The following SCYL2 variants were observed in gnomAD, a reference collection of about 807,000 sequenced individuals.
SCYL2 encodes the protein SCY1-like protein 2.
Under a neutral mutation model 100.4 loss-of-function variants are expected in SCYL2, and 36 were observed. The observed-to-expected ratio is 0.36, with a 90% CI of 0.27 to 0.47. SCYL2 has a LOEUF of 0.47. Ranked by LOEUF, SCYL2 falls within the 20% of genes least tolerant of loss-of-function variation. The pLI is 1.00. For synonymous variants in SCYL2, 330 were observed against 359.2 expected, an observed-to-expected ratio of 0.92 and a Z score of 0.92; for missense variants, 902 against 1,083.9, an observed-to-expected ratio of 0.83 and a Z score of 2.36.
At chr12:100,281,480 TA>T (rs2096298309) in intron 1 of SCYL2, among the ~76,000 whole-genome samples, 1 of 152,128 alleles carries the variant, frequency 6.6e-6, no homozygotes, top group South Asian at 2.1e-4. Flanking sequence ...CACTTGAGGC[TA>T]GGAGTTTGAG....
rs200722272 is a variant in SCYL2 at position 100,335,874 on chromosome 12, A to G, written c.1993A>G (p.Lys665Glu). 6.2e-7 allele frequency: 1 copy of G among 1,613,252 alleles called. No individual in the cohort carries two copies. The highest frequency in any genetic ancestry group is 8.5e-7 in the Non-Finnish European group (1 of 1,179,306). ...TCTGACTGGCAGTGAGTCCGAAAAT[A>G]AAGAGGACGGGTTACAGAATAAACA... ...DLLTGSESENKEDGLQNKHKR... is the reference protein window; with the variant it reads ...DLLTGSESENEEDGLQNKHKR... The change falls in exon 16 of 18, where the codon AAA becomes GAA. Residue 665 changes from lysine to glutamate, a missense_variant. Coordinates refer to ENST00000360820, the MANE Select transcript of SCYL2 (RefSeq NM_017988.6).
chr12:100,329,220 T>C lies in SCYL2; in HGVS notation c.1662T>C (p.Phe554=). 1 of 1,586,832 alleles carries C rather than the reference T, an allele frequency of 6.3e-7. No homozygotes were observed. The highest frequency in any genetic ancestry group is 8.7e-7 in the Non-Finnish European group (1 of 1,155,434). Residue 554 remains phenylalanine (F), a synonymous_variant, in exon 13 of 18, where the codon TTT becomes TTC. Coordinates refer to ENST00000360820, the MANE Select transcript of SCYL2 (RefSeq NM_017988.6). ...MGILGIYKCT[F]THKKLGITKE... ...TATCAGGTATTTACAAATGTACTTT[T>C]ACTCATAAGAAGTTGGGAATCACCA...
chr12:100,337,255 C>T, intron 16 of SCYL2, 132 bp from the exon 17 acceptor site: 1 of 1,087,952 alleles, frequency 9.2e-7, no homozygotes, highest in Non-Finnish European at 1.3e-6. Context: ...CTTACTGTGA[C>T]AATCACCAAG....
rs542398374 is a variant in SCYL2 at position 100,314,593 on chromosome 12, G to A, written c.1074G>A (p.Lys358=). ...CACAGTTTTTCAAAGGACTGCCAAAGGTTCTACCAAAACTGCCCAAGGTTT... is the reference window on the plus strand; with the variant it reads ...CACAGTTTTTCAAAGGACTGCCAAAAGTTCTACCAAAACTGCCCAAGGTTT... ...QKSQFFKGLP[K]VLPKLPKRVI... is the part of the protein sequence containing the mutation. The change falls in exon 8 of 18, where the codon AAG becomes AAA. Residue 358 remains lysine (K), a synonymous_variant. Coordinates refer to ENST00000360820, the MANE Select transcript of SCYL2 (RefSeq NM_017988.6). 2.5e-6 allele frequency: 4 copies of A among 1,597,778 alleles called. No homozygotes were observed. In the Admixed American group the frequency reaches 7.2e-5, roughly 29 times the overall value.
chr12:100,286,883 T>A (rs1364861284), intron 2 of SCYL2, among the ~76,000 whole-genome samples: 1 of 152,140 alleles, frequency 6.6e-6, no homozygotes, highest in Non-Finnish European at 1.5e-5. Flanking sequence ...CAAAAGATGA[T>A]CATAGACTAG....
Position 100,303,251 on chromosome 12 carries a change from A to G in SCYL2, c.480+5076A>G, listed in dbSNP as rs147478328. ...TACCTTCTGAAGCCTACTTCTGTCA[A>G]TTCGTCAAACTTATTCTCTGTCCAG... On this transcript the variant is annotated intron_variant, in intron 4 of 17. Transcript: ENST00000360820. Among the ~76,000 whole-genome samples, 189 of 152,160 alleles carry G rather than the reference A, an allele frequency of 1.2e-3. 1 individual carries two copies. The highest frequency in any genetic ancestry group is 4.1e-3 in the African/African-American group (169 of 41,542).
intron 2 of SCYL2, among the ~76,000 whole-genome samples, chr12:100,285,884 A>T (rs1038573598): frequency 6.6e-6 from 1 of 152,116 alleles, no homozygotes; most frequent in African/African-American, 2.4e-5. Context: ...TGACTTTACT[A>T]ATTTTTAAGT....
At chr12:100,338,495 T>C (rs771511068) in intron 17 of SCYL2, 33 bp from the exon 18 acceptor site, 1 of 1,459,692 alleles carries the variant, frequency 6.9e-7, no homozygotes, top group Non-Finnish European at 9.3e-7. Context: ...TTTATATTTC[T>C]TAGAGATAAA....
At chr12:100,271,370 C>T (rs963848893) in intron 1 of SCYL2, among the ~76,000 whole-genome samples, 1 of 151,704 alleles carries the variant, frequency 6.6e-6, no homozygotes, top group South Asian at 2.1e-4. Context: ...CGTATTTTCC[C>T]CCAGATTTTG....
chr12:100,337,248 A>T, intron 16 of SCYL2, 139 bp from the exon 17 acceptor site: 1 of 998,182 alleles, frequency 1.0e-6, no homozygotes, highest in Non-Finnish European at 1.5e-6. Flanking sequence ...AATACAGCTT[A>T]CTGTGACAAT....
chr12:100,318,417 G>A (rs758018161), intron 10 of SCYL2, among the ~76,000 whole-genome samples: 7 of 143,160 alleles, frequency 4.9e-5, no homozygotes, highest in Non-Finnish European at 9.0e-5. Context: ...TGCAACCTCC[G>A]CCTCCTGGGT....
intron 2 of SCYL2, among the ~76,000 whole-genome samples, chr12:100,287,225 T>C (rs2096305345): frequency 6.6e-6 from 1 of 152,258 alleles, no homozygotes; most frequent in Non-Finnish European, 1.5e-5. Flanking sequence ...AGTATCTTGT[T>C]ATCAACAGAG....
chr12:100,294,833 T>G (rs372532490), intron 3 of SCYL2, among the ~76,000 whole-genome samples: 7 of 137,460 alleles, frequency 5.1e-5, no homozygotes, highest in Non-Finnish European at 7.9e-5. Context: ...GGGTGGCTGC[T>G]GGGCGGAGAC....
At chr12:100,294,785 C>T (rs1381921762) in intron 3 of SCYL2, among the ~76,000 whole-genome samples, 24 of 143,978 alleles carry the variant, frequency 1.7e-4, no homozygotes, top group Admixed American at 1.1e-3. Context: ...GGCGGCTGGC[C>T]GGGCGGGGGG....
chr12:100,299,870 A>G (rs2135872567), intron 4 of SCYL2, among the ~76,000 whole-genome samples: 1 of 152,312 alleles, frequency 6.6e-6, no homozygotes, highest in Middle Eastern at 3.4e-3. Context: ...TCTCCTGATC[A>G]AGTACTTGGG....
At chr12:100,294,695 G>A in intron 3 of SCYL2, among the ~76,000 whole-genome samples, 1 of 126,362 alleles carries the variant, frequency 7.9e-6, no homozygotes, top group Non-Finnish European at 1.6e-5. Flanking sequence ...GCCGGGCGGG[G>A]GGCTGACCCC....
chr12:100,309,972 A>G (rs1279910842), intron 4 of SCYL2, among the ~76,000 whole-genome samples: 3 of 151,684 alleles, frequency 2.0e-5, no homozygotes, highest in Non-Finnish European at 4.4e-5. Context: ...GTATGTAAAG[A>G]TGTGGATTTT....
rs772888748 is a variant in SCYL2 at position 100,339,114 on chromosome 12, C to CA, written c.2734dup (p.Thr912AsnfsTer6). Reference sequence around the variant, plus strand: ...AACCCACAGAACTTTGCACAGCCACCAACTACTATGACCAATAGCAGTTCA... The same window carrying CA: ...AACCCACAGAACTTTGCACAGCCACCAAACTACTATGACCAATAGCAGTTCA... On this transcript the variant is annotated frameshift_variant, in exon 18 of 18. Coordinates refer to ENST00000360820, the MANE Select transcript of SCYL2 (RefSeq NM_017988.6). LOFTEE classifies it high-confidence loss of function. 3.7e-6 allele frequency: 6 copies of CA among 1,614,006 alleles called. No homozygotes were observed. Among genetic ancestry groups the CA allele is most frequent in the Non-Finnish European group, 5.1e-6 (6 of 1,179,938 alleles).
At chr12:100,291,360 A>G in intron 2 of SCYL2, 143 bp from the exon 3 acceptor site, 1 of 579,872 alleles carries the variant, frequency 1.7e-6, no homozygotes, top group Non-Finnish European at 3.0e-6. Flanking sequence ...TACTATCATA[A>G]GGAAACCAAC....
Sources: allele counts gnomAD v4.1 joint callset (sites outside exome capture counted in the v4.1 genomes callset), GRCh38; gene constraint gnomAD v4.1.1; transcripts MANE v1.5; gene names NCBI Gene and HGNC (gene_info 2026-07-23, HGNC 2026-07-21).